PRRC2B: variants seen among roughly 807,000 people sequenced by gnomAD.
PRRC2B encodes proline rich coiled-coil 2B.
Under a neutral mutation model 242.3 loss-of-function variants are expected in PRRC2B, and 68 were observed. The observed-to-expected ratio is 0.28, with a 90% CI of 0.23 to 0.34. The LOEUF (loss-of-function observed/expected upper bound fraction) is 0.34, where lower values mean the gene tolerates loss of function less well. Among genes scored for constraint, PRRC2B ranks in the 10% least tolerant of loss-of-function variants. PRRC2B has a pLI of 1.00. For missense variants in PRRC2B, 2,835 were observed against 2,954.8 expected (o/e 0.96, Z 0.94); for synonymous variants, 1,228 against 1,173.6 (o/e 1.05, Z -0.95).
chr9:131,455,872 G>C (rs1159857745), intron 10 of PRRC2B, among the ~76,000 whole-genome samples: 3 of 152,114 alleles, frequency 2.0e-5, no homozygotes, highest in Admixed American at 2.0e-4. Context: ...CAGCACTTTG[G>C]GAGGCCGAGG....
intron 9 of PRRC2B, among the ~76,000 whole-genome samples, chr9:131,454,158 A>G (rs1588260928): frequency 6.6e-6 from 1 of 152,230 alleles, no homozygotes; most frequent in African/African-American, 2.4e-5. Flanking sequence ...TTCACTTAGT[A>G]TAATGTTTTC....
At chr9:131,411,590 G>T (rs963684069) in intron 1 of PRRC2B, among the ~76,000 whole-genome samples, 28 of 151,860 alleles carry the variant, frequency 1.8e-4, no homozygotes, top group African/African-American at 6.8e-4. Context: ...TGATCCGCCC[G>T]CCTCGGCCTT....
upstream of PRRC2B, among the ~76,000 whole-genome samples, chr9:131,392,089 T>C (rs1287616576): frequency 3.3e-5 from 5 of 150,250 alleles, no homozygotes; most frequent in Admixed American, 3.3e-4. Context: ...CTTTTTTGCT[T>C]GTTTATTTTC....
chr9:131,492,518 G>A (rs1223535315), intron 30 of PRRC2B, among the ~76,000 whole-genome samples: 1 of 152,174 alleles, frequency 6.6e-6, no homozygotes, highest in Non-Finnish European at 1.5e-5. Context: ...TTCTGGAAAG[G>A]TAGGAAAAGG....
Position 131,486,118 on chromosome 9 carries a change from A to G in PRRC2B, c.5792A>G (p.His1931Arg), listed in dbSNP as rs1182706931. Residue 1931 changes from histidine (H) to arginine (R), a missense_variant, in exon 26 of 32, where the codon CAT becomes CGT. By Grantham distance (29) the His-to-Arg change is conservative. Coordinates refer to ENST00000683519, the MANE Select transcript of PRRC2B (RefSeq NM_013318.4). ...SHLPPLYLDG[H>R]VFASQPRLVP... ...CTCCCGCCCCTGTACCTGGATGGCC[A>G]TGTGTTTGCAAGTCAGCCCCGGCTG... The G allele has an allele frequency of 3.1e-6, 5 of 1,613,128 alleles. No homozygotes were observed. Among genetic ancestry groups the G allele is most frequent in the Admixed American group, 1.7e-5 (1 of 59,882 alleles).
In PRRC2B at chr9:131,485,029, C is replaced by T. The variant is rs1943979344; in HGVS notation, c.5647C>T (p.Gln1883Ter). Reference sequence around the variant, plus strand: ...TCCAGGCGGCGCTGGCTCAGGCATCCAGCCTCCATCCTCTGTGGGTGCCTC... The same window carrying T: ...TCCAGGCGGCGCTGGCTCAGGCATCTAGCCTCCATCCTCTGTGGGTGCCTC... ...SSPGGAGSGI[Q>*]PPSSVGASSG... Residue 1883 changes from glutamine to a stop codon, truncating the protein, a stop_gained, in exon 25 of 32, where the codon CAG becomes TAG. Coordinates refer to ENST00000683519, the MANE Select transcript of PRRC2B (RefSeq NM_013318.4). LOFTEE classifies it high-confidence loss of function. 1 of 1,612,674 alleles carries T rather than the reference C, an allele frequency of 6.2e-7. No individual in the cohort carries two copies. Among genetic ancestry groups the T allele is most frequent in the Non-Finnish European group, 8.5e-7 (1 of 1,179,344 alleles).
intron 1 of PRRC2B, among the ~76,000 whole-genome samples, chr9:131,429,593 T>C (rs1314799422): frequency 6.6e-6 from 1 of 152,236 alleles, no homozygotes; most frequent in Non-Finnish European, 1.5e-5. Context: ...AGGATAATAC[T>C]CTGGCTGCCC....
At chr9:131,485,535 C>T (rs1943996270) in intron 25 of PRRC2B, 2 of 495,498 alleles carry the variant, frequency 4.0e-6, no homozygotes, top group South Asian at 3.1e-5. Flanking sequence ...CCAGGTCTTA[C>T]CTGGAAAGGG....
intron 1 of PRRC2B, among the ~76,000 whole-genome samples, chr9:131,387,530 A>G (rs900365387): frequency 2.0e-5 from 3 of 150,414 alleles, no homozygotes; most frequent in African/African-American, 7.3e-5. Context: ...AAATGGACTA[A>G]GTCCTTGTCC....
At chr9:131,390,921 G>A (rs1164512150), upstream of PRRC2B, among the ~76,000 whole-genome samples, 1 of 151,592 alleles carries the variant, frequency 6.6e-6, no homozygotes, top group Admixed American at 6.6e-5. Flanking sequence ...TGAGTAGCTG[G>A]GATTACAGGC....
chr9:131,422,130 C>G (rs1324820969), intron 1 of PRRC2B, among the ~76,000 whole-genome samples: 2 of 152,140 alleles, frequency 1.3e-5, no homozygotes, highest in Non-Finnish European at 2.9e-5. Flanking sequence ...TCTTGGCTCA[C>G]TGCAACCTCT....
intron 1 of PRRC2B, among the ~76,000 whole-genome samples, chr9:131,378,646 A>T (rs1836716312): frequency 1.3e-5 from 2 of 151,608 alleles, no homozygotes; most frequent in African/African-American, 4.8e-5. Context: ...GGAGAAATTA[A>T]CTAGTGAAAT....
Position 131,475,250 on chromosome 9 carries a change from G to A in PRRC2B, c.3121G>A (p.Val1041Ile), listed in dbSNP as rs1341521842. ...CAGACCCCCACGAGAGTCCAGCGATGTTCCCCCCATGAAGAGAAATAACTG... is the reference window on the plus strand; with the variant it reads ...CAGACCCCCACGAGAGTCCAGCGATATTCCCCCCATGAAGAGAAATAACTG... ...EARPPRESSD[V>I]PPMKRNNWIF... is the part of the protein sequence containing the mutation. The change falls in exon 16 of 32, where the codon GTT becomes ATT. Residue 1041 changes from valine (V) to isoleucine (I), a missense_variant. By Grantham distance (29) the Val-to-Ile change is conservative. This residue lies in a region of PRRC2B where 1,536 missense variants were observed against 1,483.1 expected (regional missense o/e 1.04). Transcript: ENST00000683519. 6.2e-7 allele frequency: 1 copy of A among 1,613,412 alleles called. No homozygotes were observed. The highest frequency in any genetic ancestry group is 1.3e-5 in the African/African-American group (1 of 74,946).
At chr9:131,459,468 T>C in intron 11 of PRRC2B, 112 bp downstream of exon 11, 1 of 971,330 alleles carries the variant, frequency 1.0e-6, no homozygotes. Flanking sequence ...TTTCTTCTTT[T>C]GTTAAAATGT....
intron 1 of PRRC2B, among the ~76,000 whole-genome samples, chr9:131,381,936 C>T (rs1422511658): frequency 3.3e-5 from 5 of 152,016 alleles, no homozygotes; most frequent in Non-Finnish European, 7.4e-5. Flanking sequence ...GACAGGGTTT[C>T]ACCGTGTGGG....
chr9:131,377,953 C>T (rs1836707779), intron 1 of PRRC2B, among the ~76,000 whole-genome samples: 1 of 152,058 alleles, frequency 6.6e-6, no homozygotes, highest in Non-Finnish European at 1.5e-5. Flanking sequence ...ATGGCATTTC[C>T]CTCTGTTGCC....
In PRRC2B at chr9:131,476,100, G is replaced by A. The variant is rs989467539; in HGVS notation, c.3971G>A (p.Gly1324Asp). 98 of 1,609,994 alleles carry A rather than the reference G, an allele frequency of 6.1e-5. 1 individual carries two copies. The Admixed American group carries it at 1.1e-3, about 18-fold the overall frequency. ...RRLRQERESLGLWGPEEEPHL... is the reference protein window; with the variant it reads ...RRLRQERESLDLWGPEEEPHL... ...CTCCGGCAAGAGCGGGAGTCCCTGGGCCTGTGGGGACCCGAGGAGGAGCCC... is the reference window on the plus strand; with the variant it reads ...CTCCGGCAAGAGCGGGAGTCCCTGGACCTGTGGGGACCCGAGGAGGAGCCC... The change falls in exon 16 of 32, where the codon GGC becomes GAC. Residue 1324 changes from glycine to aspartate, a missense_variant. By Grantham distance (94) the Gly-to-Asp change is moderately conservative (BLOSUM62 -1). Coordinates refer to ENST00000683519, the MANE Select transcript of PRRC2B (RefSeq NM_013318.4).
intron 11 of PRRC2B, among the ~76,000 whole-genome samples, chr9:131,462,301 C>T (rs1943263715): frequency 6.6e-6 from 1 of 152,084 alleles, no homozygotes; most frequent in Non-Finnish European, 1.5e-5. Context: ...CAACTTCTGC[C>T]TTCCAGGTTC....
At chr9:131,432,567 C>G (rs376374851) in intron 2 of PRRC2B, 50 bp from the exon 3 acceptor site, 1 of 1,555,642 alleles carries the variant, frequency 6.4e-7, no homozygotes, top group Non-Finnish European at 8.8e-7. Context: ...GGCTTCTTTC[C>G]TTCTGTGACC....
Sources: allele counts gnomAD v4.1 joint callset (sites outside exome capture counted in the v4.1 genomes callset), GRCh38; gene constraint gnomAD v4.1.1; regional missense constraint gnomAD v4.1.1; transcripts MANE v1.5; gene names NCBI Gene and HGNC (gene_info 2026-07-23, HGNC 2026-07-21).